The following HAPLN2 variants were observed in gnomAD, a reference collection of about 807,000 sequenced individuals.
HAPLN2 encodes the protein brain link protein-1.
Under a neutral mutation model 29.3 loss-of-function variants are expected in HAPLN2, and 27 were observed. The ratio of observed to expected loss-of-function variants is 0.92; its 90% CI spans 0.68 to 1.27. The LOEUF (loss-of-function observed/expected upper bound fraction) is 1.27, where lower values mean the gene tolerates loss of function less well. Among genes scored for constraint, HAPLN2 ranks in the 50% most tolerant of loss-of-function variants. The pLI, the probability that HAPLN2 is intolerant of heterozygous loss-of-function variation, is 0.00. For missense variants in HAPLN2, 454 were observed against 484.3 expected, an observed-to-expected ratio of 0.94 and a Z score of 0.59; for synonymous variants, 208 against 211.7, an observed-to-expected ratio of 0.98 and a Z score of 0.15.
At chr1:156,603,350 CTT>C in the HAPLN2 span, among the ~76,000 whole-genome samples, 1 of 151,796 alleles carries the variant, frequency 6.6e-6, no homozygotes, top group Non-Finnish European at 1.5e-5. Flanking sequence ...CCGGGGCAAA[CTT>C]GAGTTTCGCT....
At chr1:156,614,228 C>CTT in the HAPLN2 span, among the ~76,000 whole-genome samples, 16 of 143,696 alleles carry the variant, frequency 1.1e-4, no homozygotes, top group Middle Eastern at 3.7e-3. Flanking sequence ...TTGGGGTTCA[C>CTT]TTTTTTTTTT....
chr1:156,609,163 A>G, the HAPLN2 span, among the ~76,000 whole-genome samples: 1 of 152,308 alleles, frequency 6.6e-6, no homozygotes, highest in South Asian at 2.1e-4. Context: ...AGCATCCTCC[A>G]CCACGGACAC....
At position 156,623,568 on chromosome 1, in the gene HAPLN2, A is replaced by G. The variant is rs1346599221; in HGVS notation, c.78A>G (p.Gly26=). 4.3e-6 allele frequency: 7 copies of G among 1,614,108 alleles called. No individual in the cohort carries two copies. The South Asian group carries it at 7.7e-5, about 18-fold the overall frequency. ...TCACCATCTTCCACAAAGCCCAAGG[A>G]GACCCAGGTAAGACCCCAGCCCAGG... ...WAFTIFHKAQ[G]DPASHPGPHY... is the part of the protein sequence containing the mutation. Residue 26 remains glycine (G), a synonymous_variant, in exon 3 of 7, where the codon GGA becomes GGG. Transcript: ENST00000255039.
upstream of HAPLN2, among the ~76,000 whole-genome samples, chr1:156,617,240 T>C (rs12742817): frequency 0.25 from 38,021 of 151,884 alleles, 4,983 homozygotes; most frequent in South Asian, 0.49. Context: ...CTTCTAGGCT[T>C]GACTCAATGA....
chr1:156,618,165 G>A (rs1678107113), upstream of HAPLN2, among the ~76,000 whole-genome samples: 1 of 151,842 alleles, frequency 6.6e-6, no homozygotes, highest in Non-Finnish European at 1.5e-5. Context: ...TGGCGTGGTG[G>A]CGCACGTCTG....
Position 156,625,401 on chromosome 1 carries a change from C to T in HAPLN2, c.*17C>T. ...GAGAATTAGGCGCCCACCGTGTCCCCTCCAGCGCGCGCGAAGAAGCTTGGG... is the reference window on the plus strand; with the variant it reads ...GAGAATTAGGCGCCCACCGTGTCCCTTCCAGCGCGCGCGAAGAAGCTTGGG... On this transcript the variant is annotated 3_prime_UTR_variant, in exon 7 of 7. Transcript: ENST00000255039. This position sits in a 1 kb window ranked among gnomAD's most constrained non-coding sequence, Gnocchi z 5.7. 1 of 1,557,554 alleles carries T rather than the reference C, an allele frequency of 6.4e-7. No homozygotes were observed. The highest frequency in any genetic ancestry group is 8.7e-7 in the Non-Finnish European group (1 of 1,151,754).
chr1:156,624,391 G>C lies in HAPLN2; in HGVS notation c.480G>C (p.Gln160His). Residue 160 changes from glutamine (Q) to histidine (H), a missense_variant, in exon 5 of 7, where the codon CAG becomes CAC. Gln to His is a conservative substitution (Grantham distance 24, BLOSUM62 0). Transcript: ENST00000255039. ...ACCAACCCAGCCGGGGCCGGTACCA[G>C]TTCAATTACTACGAGGCGAAGCAGG... ...FPYQPSRGRY[Q>H]FNYYEAKQAC... is the part of the protein sequence containing the mutation. 6.2e-7 allele frequency: 1 copy of C among 1,609,252 alleles called. No individual in the cohort carries two copies.
upstream of HAPLN2, among the ~76,000 whole-genome samples, chr1:156,618,225 C>T (rs754221600): frequency 6.2e-5 from 9 of 145,054 alleles, no homozygotes; most frequent in Non-Finnish European, 1.2e-4. Context: ...GGCTTGAACC[C>T]GGGAGGCAGA....
the HAPLN2 span, chr1:156,601,518 C>T: frequency 2.1e-5 from 32 of 1,514,862 alleles, no homozygotes; most frequent in East Asian, 6.8e-4. Flanking sequence ...ACCATAGAGA[C>T]GTCCGCGGGA....
chr1:156,613,422 A>G, the HAPLN2 span, among the ~76,000 whole-genome samples: 1 of 152,346 alleles, frequency 6.6e-6, no homozygotes, highest in Admixed American at 6.5e-5. Flanking sequence ...CTAGCACAGT[A>G]AAACCAAAAC....
chr1:156,624,330 A>C, intron 4 of HAPLN2, 21 bp from the exon 5 acceptor site: 1 of 1,581,778 alleles, frequency 6.3e-7, no homozygotes, highest in Admixed American at 1.8e-5. Context: ...GGCCCTCCCC[A>C]GGATCCCCGC....
the HAPLN2 span, among the ~76,000 whole-genome samples, chr1:156,609,444 G>A: frequency 3.3e-5 from 5 of 152,298 alleles, no homozygotes; most frequent in African/African-American, 1.2e-4. Context: ...TTTTAATGTT[G>A]TTATGTTTGT....
At position 156,625,279 on chromosome 1, in the gene HAPLN2, G is replaced by A. The variant is rs746087445; in HGVS notation, c.918G>A (p.Thr306=). 1.1e-5 allele frequency: 17 copies of A among 1,576,040 alleles called. No homozygotes were observed. The highest frequency in any genetic ancestry group is 1.4e-5 in the Non-Finnish European group (16 of 1,161,982). The change falls in exon 7 of 7, where the codon ACG becomes ACA. Residue 306 remains threonine (T), a synonymous_variant. Transcript: ENST00000255039. The surrounding 1 kb of genome is among the most constrained non-coding windows in gnomAD (Gnocchi z 5.7). Reference sequence around the variant, plus strand: ...GCAGTGTGCGCTTCCCAATCACCACGCCGAGGCCGCGCTGCGGGGGGCTCC... The same window carrying A: ...GCAGTGTGCGCTTCCCAATCACCACACCGAGGCCGCGCTGCGGGGGGCTCC... ...ADGSVRFPIT[T]PRPRCGGLPD... is the part of the protein sequence containing the mutation.
chr1:156,625,548 C>T lies in HAPLN2; in HGVS notation c.*164C>T, dbSNP rs1678424426. On this transcript the variant is annotated 3_prime_UTR_variant, in exon 7 of 7. Transcript: ENST00000255039. This position sits in a 1 kb window ranked among gnomAD's most constrained non-coding sequence, Gnocchi z 5.7. ...CTGCGGGCCTCGGACCCCGGCTGGC[C>T]CGGCGGCGGGGAGGGGAGGCGGGGG... The T allele has an allele frequency of 1.4e-6, 1 of 704,404 alleles. No individual in the cohort carries two copies. The highest frequency in any genetic ancestry group is 2.1e-6 in the Non-Finnish European group (1 of 473,708). The allele number at this position is 704,404 out of a possible 1,614,324, so 43.6% of individuals were successfully genotyped here.
upstream of HAPLN2, among the ~76,000 whole-genome samples, chr1:156,617,351 CTT>C (rs36034383): frequency 5.8e-4 from 74 of 126,570 alleles, no homozygotes; most frequent in African/African-American, 1.7e-3. Flanking sequence ...GGGTATGGTT[CTT>C]TTTTTTTTTT....
chr1:156,606,221 G>A, the HAPLN2 span, among the ~76,000 whole-genome samples: 5 of 151,924 alleles, frequency 3.3e-5, no homozygotes, highest in East Asian at 1.9e-4. Flanking sequence ...CCAAGACTGC[G>A]CCACTTCACT....
chr1:156,623,473 C>T lies in HAPLN2; in HGVS notation c.-18C>T, dbSNP rs775857707. On this transcript the variant is annotated 5_prime_UTR_variant, in exon 3 of 7. Coordinates refer to ENST00000255039, the MANE Select transcript of HAPLN2 (RefSeq NM_021817.3). ...CACTCTTTGTGCCCTGCAGACGGTG[C>T]CGGGCTGACCCCCCATCATGCCAGG... 3.7e-6 allele frequency: 6 copies of T among 1,613,328 alleles called. No individual in the cohort carries two copies. Among genetic ancestry groups the T allele is most frequent in the South Asian group, 3.3e-5 (3 of 90,960 alleles).
upstream of HAPLN2, among the ~76,000 whole-genome samples, chr1:156,618,981 C>T (rs560925927): frequency 2.6e-5 from 4 of 152,108 alleles, no homozygotes; most frequent in South Asian, 4.2e-4. Flanking sequence ...TCATGTTCCT[C>T]CCCAGGGACA....
chr1:156,609,650 T>C, the HAPLN2 span, among the ~76,000 whole-genome samples: 2 of 152,198 alleles, frequency 1.3e-5, no homozygotes, highest in Non-Finnish European at 2.9e-5. Context: ...TCCAGATAAC[T>C]AGTTGTTGCG....
Sources: allele counts gnomAD v4.1 joint callset (sites outside exome capture counted in the v4.1 genomes callset), GRCh38; gene constraint gnomAD v4.1.1; non-coding constraint Gnocchi (gnomAD v3.1); transcripts MANE v1.5; gene names NCBI Gene and HGNC (gene_info 2026-07-23, HGNC 2026-07-21).